Variants in TAF4B observed in about 807,000 individuals in gnomAD.
The protein encoded by TAF4B is TATA-box binding protein associated factor 4b.
Under a neutral mutation model 86.4 loss-of-function variants are expected in TAF4B, and 38 were observed. The ratio of observed to expected loss-of-function variants is 0.44; its 90% CI spans 0.34 to 0.58. The LOEUF (loss-of-function observed/expected upper bound fraction) is 0.58. Among genes scored for constraint, TAF4B ranks in the 20% least tolerant of loss-of-function variants. The pLI, the probability that TAF4B is intolerant of heterozygous loss-of-function variation, is 0.02. For synonymous variants in TAF4B, 388 were observed against 391.2 expected (o/e 0.99, Z 0.10); for missense variants, 988 against 1,027.6 (o/e 0.96, Z 0.53).
chr18:26,389,911 C>A lies in TAF4B; in HGVS notation c.2488C>A (p.Pro830Thr). ...GACAGCCACCAAACAGTTGCATCGT[C>A]CAAGAATCACGAGAATCTGCCTCAG... ...SLTATKQLHR[P>T]RITRICLRDL... The change falls in exon 15 of 15, where the codon CCA (proline) becomes ACA (threonine). Residue 830 changes from proline (P) to threonine (T), a missense_variant. Physicochemically the swap from Pro to Thr is conservative, Grantham distance 38. Transcript: ENST00000269142. 1 of 1,614,130 alleles carries A rather than the reference C, an allele frequency of 6.2e-7. No homozygotes were observed. The highest frequency in any genetic ancestry group is 1.1e-5 in the South Asian group (1 of 91,078).
intron 7 of TAF4B, among the ~76,000 whole-genome samples, chr18:26,287,115 C>A (rs888783742): frequency 3.3e-5 from 5 of 152,190 alleles, no homozygotes; most frequent in Admixed American, 6.5e-5. Context: ...TGTTGTCACA[C>A]ACAGGAAATT....
At chr18:26,232,279 C>T (rs1001569870) in intron 1 of TAF4B, among the ~76,000 whole-genome samples, 1 of 152,040 alleles carries the variant, frequency 6.6e-6, no homozygotes, top group Non-Finnish European at 1.5e-5. Flanking sequence ...GTGATGACCG[C>T]TCTAGTTACT....
intron 1 of TAF4B, among the ~76,000 whole-genome samples, chr18:26,252,716 A>G (rs1367623459): frequency 1.3e-5 from 2 of 151,934 alleles, no homozygotes; most frequent in African/African-American, 2.4e-5. Flanking sequence ...AGGTAACCCT[A>G]TTTTAATTAA....
At position 26,275,145 on chromosome 18, in the gene TAF4B, AATTT is replaced by A. The variant is rs895979429; in HGVS notation, c.882+106_882+109del. ...GCATATTTTTAAATGGGATTTATTT[AATTT>A]ATTTATTTATTTAATTTATGTTTTG... is the stretch of plus-strand genomic sequence containing the variant. On this transcript the variant is annotated intron_variant, in intron 5 of 14. Transcript: ENST00000269142. 49 of 1,295,456 alleles carry A rather than the reference AATTT, an allele frequency of 3.8e-5. No individual in the cohort carries two copies. In the African/African-American group the frequency reaches 5.8e-4, roughly 15 times the overall value. The allele number at this position is 1,295,456 out of a possible 1,614,324, so 80.2% of individuals were successfully genotyped here. A position where few individuals can be genotyped will look rare whatever the true frequency, so the allele number is the denominator to read the frequency against.
At chr18:26,228,009 A>G (rs1037924010) in intron 1 of TAF4B, among the ~76,000 whole-genome samples, 1 of 152,248 alleles carries the variant, frequency 6.6e-6, no homozygotes, top group African/African-American at 2.4e-5. Context: ...CAAACAGATC[A>G]GTCATGCAAT....
At chr18:26,269,716 T>TTCA (rs56971245) in intron 3 of TAF4B, among the ~76,000 whole-genome samples, 142,905 of 152,034 alleles carry the variant, frequency 0.94, 67,362 homozygotes, top group East Asian at 0.99. Context: ...GTGCCTTACA[T>TTCA]TCATCTCATT....
At chr18:26,260,870 C>T (rs140782058) in intron 1 of TAF4B, among the ~76,000 whole-genome samples, 170 of 152,278 alleles carry the variant, frequency 1.1e-3, no homozygotes, top group Admixed American at 3.3e-3. Context: ...TTTGAACATA[C>T]TTATAATTGT....
At chr18:26,229,176 G>A (rs2036312580) in intron 1 of TAF4B, among the ~76,000 whole-genome samples, 2 of 152,126 alleles carry the variant, frequency 1.3e-5, no homozygotes, top group Admixed American at 1.3e-4. Context: ...TAAAATAATA[G>A]CATACTAGGA....
At chr18:26,336,424 C>G (rs1158795468) in intron 13 of TAF4B, among the ~76,000 whole-genome samples, 1 of 151,946 alleles carries the variant, frequency 6.6e-6, no homozygotes, top group Non-Finnish European at 1.5e-5. Context: ...AAGTGGAAAT[C>G]TAGTAAGATT....
intron 5 of TAF4B, 42 bp downstream of exon 5, chr18:26,275,095 A>C: frequency 6.5e-7 from 1 of 1,549,516 alleles, no homozygotes; most frequent in Non-Finnish European, 8.7e-7. Context: ...GGAGGAATCC[A>C]TATAACATGT....
intron 14 of TAF4B, among the ~76,000 whole-genome samples, chr18:26,376,973 T>G (rs2057447219): frequency 6.6e-6 from 1 of 152,154 alleles, no homozygotes; most frequent in African/African-American, 2.4e-5. Flanking sequence ...GAAGGTGTAT[T>G]ACATTGATTG....
At chr18:26,358,587 G>A (rs1444024847) in intron 14 of TAF4B, among the ~76,000 whole-genome samples, 1 of 152,172 alleles carries the variant, frequency 6.6e-6, no homozygotes, top group East Asian at 1.9e-4. Context: ...GCGGGCACCT[G>A]TAGTCCCAGC....
intron 9 of TAF4B, among the ~76,000 whole-genome samples, chr18:26,314,683 A>G (rs1343225688): frequency 1.3e-5 from 2 of 152,206 alleles, no homozygotes; most frequent in Non-Finnish European, 2.9e-5. Context: ...CTTTATGTGG[A>G]TATGGACCTT....
rs753644467 is a variant in TAF4B, at chr18:26,245,762, C to T, written c.343+18486C>T. On this transcript the variant is annotated intron_variant, in intron 1 of 14. Coordinates refer to ENST00000269142, the MANE Select transcript of TAF4B (RefSeq NM_005640.3). ...GTAAGACAGAAAAGTTCTCCAAGTC[C>T]GCACTCGACCCAGGAAGTCCAGCTG... is the stretch of plus-strand genomic sequence containing the variant. Among the ~76,000 whole-genome samples, 23 of 152,154 alleles carry T rather than the reference C, an allele frequency of 1.5e-4. 1 individual carries two copies. The highest frequency in any genetic ancestry group is 2.6e-4 in the Admixed American group (4 of 15,270).
chr18:26,230,532 T>C (rs2055648811), intron 1 of TAF4B, among the ~76,000 whole-genome samples: 1 of 152,228 alleles, frequency 6.6e-6, no homozygotes, highest in African/African-American at 2.4e-5. Context: ...ATTTTCAGAC[T>C]GTAGAGTTGG....
At chr18:26,289,774 A>G (rs1228757454) in intron 7 of TAF4B, among the ~76,000 whole-genome samples, 1 of 152,224 alleles carries the variant, frequency 6.6e-6, no homozygotes, top group Admixed American at 6.5e-5. Context: ...TTGAAAGAAC[A>G]TTAATGAATT....
chr18:26,252,946 T>C lies in TAF4B; in HGVS notation c.344-12224T>C, dbSNP rs1163144698. On this transcript the variant is annotated intron_variant, in intron 1 of 14. Transcript: ENST00000269142. ...AAACATAATATGTGGGGTTCAGCAC[T>C]GTCTGAGGTTTTAGGCATCCACTGA... 2.6e-5 allele frequency among the ~76,000 whole-genome samples: 4 copies of C among 152,126 alleles called. No individual in the cohort carries two copies. The East Asian group carries it at 7.7e-4, about 29-fold the overall frequency.
intron 14 of TAF4B, among the ~76,000 whole-genome samples, chr18:26,366,648 G>C (rs553527472): frequency 6.6e-6 from 1 of 152,176 alleles, no homozygotes; most frequent in African/African-American, 2.4e-5. Context: ...GTAGAGAAGA[G>C]TATTTTTCCC....
chr18:26,314,525 G>A (rs1250954454), intron 9 of TAF4B, among the ~76,000 whole-genome samples: 1 of 152,124 alleles, frequency 6.6e-6, no homozygotes, highest in African/African-American at 2.4e-5. Context: ...TTATATATAG[G>A]CCATTTTTGG....
Sources: gnomAD v4.1 joint callset for allele counts (sites outside exome capture counted in the v4.1 genomes callset) on GRCh38, gnomAD v4.1.1 for gene constraint, MANE v1.5 for transcripts, NCBI Gene and HGNC (gene_info 2026-07-23, HGNC 2026-07-21) for gene names.